The following RUSC1 variants were observed in gnomAD, a reference collection of about 807,000 sequenced individuals.
The protein encoded by RUSC1 is AP-4 complex accessory subunit RUSC1.
RUSC1 carries 40 observed loss-of-function variants against 72.1 expected under a neutral mutation model. That is an observed-to-expected ratio of 0.55 (90% CI 0.43 to 0.72). RUSC1 has a LOEUF of 0.72. RUSC1 is among the 30% of genes least tolerant of loss of function. The probability of loss-of-function intolerance (pLI) is 0.00; values close to 1 mark genes in which losing one functional copy is unlikely to be tolerated. For missense variants in RUSC1, 1,092 were observed against 1,172.3 expected (o/e 0.93, Z 1.00); for synonymous variants, 512 against 494.2 (o/e 1.04, Z -0.48).
At chr1:155,327,245 T>A in intron 8 of RUSC1, 113 bp downstream of exon 8, 1 of 1,105,782 alleles carries the variant, frequency 9.0e-7, no homozygotes, top group Admixed American at 2.7e-5. Flanking sequence ...GCGGTCTGTT[T>A]TTCTACAGCC....
chr1:155,329,387 C>A (rs537882002), intron 9 of RUSC1, among the ~76,000 whole-genome samples: 1 of 134,348 alleles, frequency 7.4e-6, no homozygotes, highest in African/African-American at 2.9e-5. Context: ...CACCTGGCTA[C>A]TAAACTTTTT....
rs977510364 is a variant in RUSC1 at position 155,326,276 on chromosome 1, G to A, written c.1862-304G>A. The A allele has an allele frequency of 1.1e-5, 6 of 541,006 alleles. No homozygotes were observed. Among genetic ancestry groups the A allele is most frequent in the Non-Finnish European group, 2.0e-5 (6 of 303,386 alleles). 33.5% of individuals were successfully genotyped at this position (541,006 alleles called of 1,614,324 possible). Reference sequence around the variant, plus strand: ...CCAGTGAGGCCCTACCTCTACCCTCGGACTAGGCCAACCCCCACGCCTCAT... The same window carrying A: ...CCAGTGAGGCCCTACCTCTACCCTCAGACTAGGCCAACCCCCACGCCTCAT... On this transcript the variant is annotated intron_variant, in intron 7 of 9. Transcript: ENST00000368352. The surrounding 1 kb of genome is among the most constrained non-coding windows in gnomAD (Gnocchi z 4.7).
chr1:155,325,730 G>C lies in RUSC1; in HGVS notation c.1814+58G>C. On this transcript the variant is annotated intron_variant, in intron 6 of 9. Coordinates refer to ENST00000368352, the MANE Select transcript of RUSC1 (RefSeq NM_001105203.2). The surrounding 1 kb of genome is among the most constrained non-coding windows in gnomAD (Gnocchi z 6.5). ...GACCTGGGACTGCAGGAGCGTCATG[G>C]GTGGGACACAGTAGTAGTGCCTCAC... 1 of 1,596,840 alleles carries C rather than the reference G, an allele frequency of 6.3e-7. No individual in the cohort carries two copies. The highest frequency in any genetic ancestry group is 8.6e-7 in the Non-Finnish European group (1 of 1,165,608).
At chr1:155,330,277 G>A (rs1651874724) in intron 9 of RUSC1, 126 bp from the exon 10 acceptor site, 1 of 917,220 alleles carries the variant, frequency 1.1e-6, no homozygotes, top group Non-Finnish European at 1.6e-6. Context: ...TGGTTCTCAA[G>A]TCCTTCCAGA....
In RUSC1 at chr1:155,322,313, G is replaced by T; in HGVS notation, c.540G>T (p.Ser180=). 6.2e-7 allele frequency: 1 copy of T among 1,611,092 alleles called. No homozygotes were observed. The highest frequency in any genetic ancestry group is 1.1e-5 in the South Asian group (1 of 90,958). The change falls in exon 2 of 10, where the codon TCG becomes TCT. Residue 180 remains serine (S), a synonymous_variant. Transcript: ENST00000368352. ...CTTCACCCGATCCTGGCCTGGACTC[G>T]AACTGCAACGCCCTGACCACCTGCC... is the stretch of plus-strand genomic sequence containing the variant. The part of the protein sequence containing the change: ...ASSSPDPGLD[S]NCNALTTCQD...
In RUSC1 at chr1:155,324,926, T is replaced by G; in HGVS notation, c.1439T>G (p.Leu480Arg). ...MAEAQSGTGQ[L>R]QEQKKGLLIA... ...GAAGCCCAGAGTGGGACTGGTCAGC[T>G]GCAGGAGCAGAAGAAAGGTAGGGCA... The change falls in exon 3 of 10, where the codon CTG (leucine) becomes CGG (arginine). Residue 480 changes from leucine (L) to arginine (R), a missense_variant. Coordinates refer to ENST00000368352, the MANE Select transcript of RUSC1 (RefSeq NM_001105203.2). The G allele has an allele frequency of 6.2e-7, 1 of 1,614,198 alleles. No homozygotes were observed. The highest frequency in any genetic ancestry group is 8.5e-7 in the Non-Finnish European group (1 of 1,180,032).
rs756418097 is a variant in RUSC1 at position 155,325,864 on chromosome 1, C to T, written c.1815C>T (p.Asn605=). ...RFHAFILGLL[N]TKQLELWFSS... ...TTCCATTCCCTCTTTTCTCCCCTAG[C>T]ACCAAGCAGTTGGAGCTGTGGTTTT... The change falls in exon 7 of 10, where the codon AAC becomes AAT. Residue 605 remains asparagine, a splice_region_variant and synonymous_variant. Transcript: ENST00000368352. The surrounding 1 kb of genome is among the most constrained non-coding windows in gnomAD (Gnocchi z 6.5). The T allele has an allele frequency of 6.2e-7, 1 of 1,614,122 alleles. No homozygotes were observed. The highest frequency in any genetic ancestry group is 8.5e-7 in the Non-Finnish European group (1 of 1,180,002).
chr1:155,325,091 A>G lies in RUSC1; in HGVS notation c.1457-11A>G, dbSNP rs370711770. 1 of 1,612,304 alleles carries G rather than the reference A, an allele frequency of 6.2e-7. No homozygotes were observed. The highest frequency in any genetic ancestry group is 2.2e-5 in the East Asian group (1 of 44,770). ...GGCCTCCTAGCGTCTTCCCTTTCCC[A>G]CTCCTCCCAGGTCTTCTGATAGCCG... On this transcript the variant is annotated splice_polypyrimidine_tract_variant and intron_variant, in intron 3 of 9. Transcript: ENST00000368352. The surrounding 1 kb of genome is among the most constrained non-coding windows in gnomAD (Gnocchi z 6.5).
At position 155,320,999 on chromosome 1, in the gene RUSC1, G is replaced by C; in HGVS notation, c.-87+8G>C. The C allele has an allele frequency of 1.3e-6, 2 of 1,513,528 alleles. No homozygotes were observed. The highest frequency in any genetic ancestry group is 1.8e-6 in the Non-Finnish European group (2 of 1,117,922). The allele number at this position is 1,513,528 out of a possible 1,614,324, so 93.8% of individuals were successfully genotyped here. A position where few individuals can be genotyped will look rare whatever the true frequency, so the allele number is the denominator to read the frequency against. ...GGTTCCAGGAGGACCCTGGTGAGGA[G>C]GGCTCGGCCCATGGGTGTAGACCGA... On this transcript the variant is annotated splice_region_variant and intron_variant, in intron 1 of 9. Coordinates refer to ENST00000368352, the MANE Select transcript of RUSC1 (RefSeq NM_001105203.2).
rs368902055 is a variant in RUSC1 at position 155,322,549 on chromosome 1, A to G, written c.776A>G (p.Asn259Ser). The change falls in exon 2 of 10, where the codon AAC becomes AGC. Residue 259 changes from asparagine (N) to serine (S), a missense_variant. By Grantham distance (46) the Asn-to-Ser change is conservative. Transcript: ENST00000368352. ...AACAATAACACTGGTTGGAAAAACA[A>G]CGGGAATGTTAACTCTAGCTGGAAA... ...TENNNTGWKNNGNVNSSWKSE... is the reference protein window; with the variant it reads ...TENNNTGWKNSGNVNSSWKSE... 1.9e-6 allele frequency: 3 copies of G among 1,614,120 alleles called. No homozygotes were observed. Among genetic ancestry groups the G allele is most frequent in the Non-Finnish European group, 1.7e-6 (2 of 1,180,044 alleles).
In RUSC1 at chr1:155,321,955, A is replaced by G; in HGVS notation, c.182A>G (p.Asp61Gly). ...SRGPCSGTLV[D>G]ANSNSPAVPC... ...GGCCCCTGCAGTGGCACCCTGGTGG[A>G]CGCCAATTCCAACAGCCCAGCTGTG... The change falls in exon 2 of 10, where the codon GAC (aspartate) becomes GGC (glycine). Residue 61 changes from aspartate (D) to glycine (G), a missense_variant. Asp to Gly is a moderately conservative substitution (Grantham distance 94, BLOSUM62 -1). Coordinates refer to ENST00000368352, the MANE Select transcript of RUSC1 (RefSeq NM_001105203.2). 1 of 1,600,320 alleles carries G rather than the reference A, an allele frequency of 6.2e-7. No individual in the cohort carries two copies. The highest frequency in any genetic ancestry group is 8.5e-7 in the Non-Finnish European group (1 of 1,173,100).
At position 155,325,776 on chromosome 1, in the gene RUSC1, CT is replaced by C. The variant is rs1651321196; in HGVS notation, c.1815-87del. 6.3e-7 allele frequency: 1 copy of C among 1,582,152 alleles called. No homozygotes were observed. Among genetic ancestry groups the C allele is most frequent in the Admixed American group, 1.7e-5 (1 of 59,870 alleles). On this transcript the variant is annotated intron_variant, in intron 6 of 9. Transcript: ENST00000368352. This position sits in a 1 kb window ranked among gnomAD's most constrained non-coding sequence, Gnocchi z 6.5. Reference sequence around the variant, plus strand: ...CTCACATCCCCAGAGAAGGCCCCCCCTCTTCCAATCTCATCTCCCATCCTCC... The same window carrying C: ...CTCACATCCCCAGAGAAGGCCCCCCCCTTCCAATCTCATCTCCCATCCTCC...
At chr1:155,324,341 G>T (rs1287062174) in intron 2 of RUSC1, 1 of 1,597,180 alleles carries the variant, frequency 6.3e-7, no homozygotes, top group South Asian at 1.1e-5. Flanking sequence ...CCTTTCCGGC[G>T]CCTTCCAGCC....
intron 2 of RUSC1, chr1:155,323,504 T>G: frequency 1.9e-5 from 3 of 161,814 alleles, no homozygotes; most frequent in East Asian, 1.7e-4. Context: ...TCTCTGCTCC[T>G]GGCTCCTCTG....
Position 155,324,826 on chromosome 1 carries a change from C to G in RUSC1, c.1358-19C>G, listed in dbSNP as rs1345569705. On this transcript the variant is annotated intron_variant, in intron 2 of 9. Transcript: ENST00000368352. ...TAACACTTGGTAAGTGTTACCGCGC[C>G]CTTCTTCCCTTACGCCAGTCCGTAG... The G allele has an allele frequency of 6.2e-7, 1 of 1,614,246 alleles. No homozygotes were observed. Among genetic ancestry groups the G allele is most frequent in the South Asian group, 1.1e-5 (1 of 91,086 alleles).
At position 155,323,174 on chromosome 1, in the gene RUSC1, C is replaced by T. The variant is rs1389525388; in HGVS notation, c.1357+44C>T. 1.3e-5 allele frequency: 18 copies of T among 1,396,312 alleles called. No homozygotes were observed. In the Admixed American group the frequency reaches 4.9e-4, roughly 38 times the overall value. 86.5% of individuals were successfully genotyped at this position (1,396,312 alleles called of 1,614,324 possible). ...CGGGAGGAGGGCTGGGCTTCGGCCG[C>T]TCACGCCTCCTAGGCTTCCAACCCG... is the stretch of plus-strand genomic sequence containing the variant. On this transcript the variant is annotated intron_variant, in intron 2 of 9. Coordinates refer to ENST00000368352, the MANE Select transcript of RUSC1 (RefSeq NM_001105203.2).
chr1:155,323,382 C>G, intron 2 of RUSC1: 1 of 386,988 alleles, frequency 2.6e-6, no homozygotes, highest in Non-Finnish European at 4.5e-6. Flanking sequence ...TGCGCCTGGC[C>G]CCGCCAATCC....
At position 155,322,830 on chromosome 1, in the gene RUSC1, C is replaced by T; in HGVS notation, c.1057C>T (p.Pro353Ser). 1 of 1,613,342 alleles carries T rather than the reference C, an allele frequency of 6.2e-7. No individual in the cohort carries two copies. Among genetic ancestry groups the T allele is most frequent in the South Asian group, 1.1e-5 (1 of 91,082 alleles). ...LIVFSPDTEL[P>S]PSGSPGGSSA... ...AGTCTTCTCGCCCGACACCGAGCTC[C>T]CCCCCTCGGGGTCGCCGGGCGGCTC... is the stretch of plus-strand genomic sequence containing the variant. Residue 353 changes from proline (P) to serine (S), a missense_variant, in exon 2 of 10, where the codon CCC (proline) becomes TCC (serine). Coordinates refer to ENST00000368352, the MANE Select transcript of RUSC1 (RefSeq NM_001105203.2).
In RUSC1 at chr1:155,326,842, G is replaced by A. The variant is rs765523036; in HGVS notation, c.2124G>A (p.Gly708=). ...FGGRLAQSLR[G]TSKEAASDPS... ...GCCGGCTGGCCCAGAGCCTTCGGGG[G>A]ACTTCCAAGGAAGCTGCTTCAGACC... Residue 708 remains glycine, a synonymous_variant, in exon 8 of 10, where the codon GGG becomes GGA. Transcript: ENST00000368352. The surrounding 1 kb of genome is among the most constrained non-coding windows in gnomAD (Gnocchi z 4.7). The A allele has an allele frequency of 1.2e-6, 2 of 1,613,618 alleles. No individual in the cohort carries two copies. Among genetic ancestry groups the A allele is most frequent in the Non-Finnish European group, 1.7e-6 (2 of 1,180,048 alleles).
Sources: gnomAD v4.1 joint callset for allele counts (sites outside exome capture counted in the v4.1 genomes callset) on GRCh38, gnomAD v4.1.1 for gene constraint, Gnocchi (gnomAD v3.1) non-coding constraint, MANE v1.5 for transcripts, NCBI Gene and HGNC (gene_info 2026-07-23, HGNC 2026-07-21) for gene names.